The following GPC6 variants were observed in gnomAD, a reference collection of about 807,000 sequenced individuals.
GPC6 encodes glypican 6, also known as glypican-6.
A neutral mutation model predicts 55.2 loss-of-function variants in GPC6; 14 were observed. That is an observed-to-expected ratio of 0.25 (90% CI 0.17 to 0.40). The LOEUF (loss-of-function observed/expected upper bound fraction) is 0.40. Ranked by LOEUF, GPC6 falls within the 10% of genes least tolerant of loss-of-function variation. GPC6 has a pLI of 1.00. For synonymous variants in GPC6, 278 were observed against 259.6 expected (o/e 1.07, Z -0.68); for missense variants, 641 against 708.5 (o/e 0.90, Z 1.08).
chr13:93,561,091 G>C (rs1875760647), intron 2 of GPC6, among the ~76,000 whole-genome samples: 1 of 152,108 alleles, frequency 6.6e-6, no homozygotes, highest in African/African-American at 2.4e-5. Flanking sequence ...TAAATAACTT[G>C]AGTGGTAATG....
chr13:94,286,695 C>T (rs1892540696), intron 5 of GPC6, among the ~76,000 whole-genome samples: 2 of 152,160 alleles, frequency 1.3e-5, no homozygotes, highest in South Asian at 4.1e-4. Context: ...ACTACTCAAT[C>T]ACGAAGAAAT....
intron 2 of GPC6, among the ~76,000 whole-genome samples, chr13:93,633,675 TAA>T (rs1879575677): frequency 6.9e-6 from 1 of 145,472 alleles, no homozygotes; most frequent in Non-Finnish European, 1.5e-5. Context: ...AATAAATAAA[TAA>T]CCAAAGTTTT....
intron 4 of GPC6, among the ~76,000 whole-genome samples, chr13:94,178,597 T>C (rs1888872437): frequency 6.6e-6 from 1 of 152,210 alleles, no homozygotes; most frequent in African/African-American, 2.4e-5. Flanking sequence ...CTTTTCACAT[T>C]TCCTTTAATA....
At chr13:93,927,117 C>T (rs189891420) in intron 3 of GPC6, among the ~76,000 whole-genome samples, 4 of 152,248 alleles carry the variant, frequency 2.6e-5, no homozygotes, top group African/African-American at 9.6e-5. Flanking sequence ...TTCTAAAGTA[C>T]ATGAGAAGTG....
chr13:93,365,555 C>T (rs1489974806), intron 1 of GPC6, among the ~76,000 whole-genome samples: 1 of 152,008 alleles, frequency 6.6e-6, no homozygotes, highest in Non-Finnish European at 1.5e-5. Flanking sequence ...ATACTTGATT[C>T]CCAACAATGA....
intron 2 of GPC6, among the ~76,000 whole-genome samples, chr13:93,765,442 T>C (rs932789108): frequency 3.3e-5 from 5 of 151,966 alleles, no homozygotes; most frequent in Non-Finnish European, 7.4e-5. Flanking sequence ...GGGATATAAA[T>C]TTCATTTCTC....
intron 4 of GPC6, among the ~76,000 whole-genome samples, chr13:94,130,821 G>A (rs2138865631): frequency 6.6e-6 from 1 of 152,200 alleles, no homozygotes; most frequent in South Asian, 2.1e-4. Context: ...TAAATACTAA[G>A]CATTACTTCA....
chr13:93,822,829 T>TTTATTA lies in GPC6; in HGVS notation c.320-7304_320-7299dup, dbSNP rs530559267. Among the ~76,000 whole-genome samples the TTTATTA allele has an allele frequency of 6.7e-3, 999 of 148,478 alleles. 15 individuals are homozygous for TTTATTA. Among genetic ancestry groups the TTTATTA allele is most frequent in the African/African-American group, 0.023 (919 of 40,380 alleles). On this transcript the variant is annotated intron_variant, in intron 2 of 8. Coordinates refer to ENST00000377047, the MANE Select transcript of GPC6 (RefSeq NM_005708.5). ...CATGGTGTATAAGTGCCACATTTTC[T>TTTATTA]TTATTATTATTATTATTATTATTAT... is the stretch of plus-strand genomic sequence containing the variant.
chr13:94,375,420 C>T (rs1879799215), intron 6 of GPC6, among the ~76,000 whole-genome samples: 1 of 152,064 alleles, frequency 6.6e-6, no homozygotes, highest in Admixed American at 6.5e-5. Flanking sequence ...CTACAAACAC[C>T]TCTATGCAAA....
intron 6 of GPC6, among the ~76,000 whole-genome samples, chr13:94,338,092 T>C (rs1877814587): frequency 6.6e-6 from 1 of 152,216 alleles, no homozygotes; most frequent in Non-Finnish European, 1.5e-5. Flanking sequence ...GTGATTGAGG[T>C]TCTTCCTTAG....
At chr13:94,271,366 A>ACACGCG (rs1491208962) in intron 4 of GPC6, among the ~76,000 whole-genome samples, 21 of 131,304 alleles carry the variant, frequency 1.6e-4, no homozygotes, top group African/African-American at 5.2e-4. Flanking sequence ...ACACACACAC[A>ACACGCG]CGCGCGCGCG....
chr13:93,225,486 GTT>G (rs66859110), upstream of GPC6, among the ~76,000 whole-genome samples: 98,674 of 151,464 alleles, frequency 0.65, 32,925 homozygotes, highest in Middle Eastern at 0.75. Flanking sequence ...TAGCTATGGA[GTT>G]TTTTTTTTTG....
At chr13:94,003,361 C>T (rs1881887675) in intron 3 of GPC6, among the ~76,000 whole-genome samples, 1 of 152,122 alleles carries the variant, frequency 6.6e-6, no homozygotes, top group Non-Finnish European at 1.5e-5. Flanking sequence ...ATGCACACTG[C>T]TGGAACATGA....
In GPC6 at chr13:93,676,160, TATATATATAC is replaced by T. The variant is rs1201520614; in HGVS notation, c.319+130743_319+130752del. 9.7e-4 allele frequency among the ~76,000 whole-genome samples: 24 copies of T among 24,738 alleles called. 1 individual carries two copies. Among genetic ancestry groups the T allele is most frequent in the African/African-American group, 2.3e-3 (22 of 9,764 alleles). The allele number at this position is 24,738 out of a possible 152,430, so 16.2% of individuals were successfully genotyped here. A position where few individuals can be genotyped will look rare whatever the true frequency, so the allele number is the denominator to read the frequency against. ...ATATATATATATATATATATATATA[TATATATATAC>T]ATACACACACACACACACACATATA... On this transcript the variant is annotated intron_variant, in intron 2 of 8. Transcript: ENST00000377047.
intron 2 of GPC6, among the ~76,000 whole-genome samples, chr13:93,580,874 A>T (rs1876903709): frequency 6.6e-6 from 1 of 152,164 alleles, no homozygotes; most frequent in African/African-American, 2.4e-5. Context: ...CTATTGCATA[A>T]CATGAAAATC....
intron 2 of GPC6, among the ~76,000 whole-genome samples, chr13:93,708,197 T>C (rs576316185): frequency 6.6e-6 from 1 of 151,972 alleles, no homozygotes; most frequent in South Asian, 2.1e-4. Flanking sequence ...ATGTGGGCAC[T>C]TGTATGTGTA....
intron 2 of GPC6, among the ~76,000 whole-genome samples, chr13:93,676,472 G>A (rs183589438): frequency 6.6e-5 from 10 of 151,936 alleles, no homozygotes; most frequent in Non-Finnish European, 1.3e-4. Context: ...TAGGATTTGG[G>A]GAATGAGGAG....
At chr13:94,257,307 C>A (rs1306223425) in intron 4 of GPC6, among the ~76,000 whole-genome samples, 1 of 152,166 alleles carries the variant, frequency 6.6e-6, no homozygotes, top group East Asian at 1.9e-4. Context: ...GAACAGGGAG[C>A]TATGTCCTAA....
intron 1 of GPC6, chr13:93,395,116 A>T (rs1205054546): frequency 1.6e-5 from 4 of 249,596 alleles, no homozygotes; most frequent in Non-Finnish European, 3.2e-5. Context: ...AGTTGATTCC[A>T]TCATTACCAA....
Sources: gnomAD v4.1 joint callset for allele counts (sites outside exome capture counted in the v4.1 genomes callset) on GRCh38, gnomAD v4.1.1 for gene constraint, MANE v1.5 for transcripts, NCBI Gene and HGNC (gene_info 2026-07-23, HGNC 2026-07-21) for gene names.